HACL2: variants seen among roughly 807,000 people sequenced by gnomAD.
The protein encoded by HACL2 is 2-hydroxyacyl-CoA lyase 2.
the HACL2 span, among the ~76,000 whole-genome samples, chr19:15,118,170 C>T: frequency 6.6e-6 from 1 of 152,164 alleles, no homozygotes; most frequent in Non-Finnish European, 1.5e-5. Flanking sequence ...CCCCACACCC[C>T]CTGAATCGGG....
the HACL2 span, chr19:15,116,336 C>T: frequency 5.0e-6 from 8 of 1,613,946 alleles, no homozygotes; most frequent in African/African-American, 1.3e-5. Flanking sequence ...GACAGGACAG[C>T]GAAGGTCACC....
the HACL2 span, chr19:15,116,014 C>T: frequency 3.2e-4 from 511 of 1,614,060 alleles, 1 homozygote; most frequent in African/African-American, 5.9e-3. Flanking sequence ...AGCATCTGGC[C>T]GGCACAGCTT....
chr19:15,122,195 G>GT, the HACL2 span, among the ~76,000 whole-genome samples: 1 of 151,970 alleles, frequency 6.6e-6, no homozygotes, highest in Non-Finnish European at 1.5e-5. This position sits in a 1 kb window ranked among gnomAD's most constrained non-coding sequence, Gnocchi z 4.0. Context: ...GAGAGCCACC[G>GT]CACCCGGCCT....
the HACL2 span, chr19:15,115,463 G>A: frequency 6.2e-7 from 1 of 1,608,964 alleles, no homozygotes. Context: ...ATAGTGGCAA[G>A]GACTCAGCCC....
the HACL2 span, chr19:15,116,425 C>T: frequency 6.2e-7 from 1 of 1,614,044 alleles, no homozygotes; most frequent in African/African-American, 1.3e-5. Context: ...TCTGCTCCTT[C>T]TGCCGGTCGG....
At chr19:15,115,846 T>C in the HACL2 span, 1 of 1,613,652 alleles carries the variant, frequency 6.2e-7, no homozygotes. Context: ...GCCAGCCCAG[T>C]CACCTTGTGT....
At chr19:15,116,551 G>C in the HACL2 span, 5 of 1,570,150 alleles carry the variant, frequency 3.2e-6, no homozygotes, top group Non-Finnish European at 4.4e-6. Flanking sequence ...ACAGCTGTGG[G>C]GAGCTGGCTT....
chr19:15,116,159 G>A, the HACL2 span: 796,327 of 1,613,066 alleles, frequency 0.49, 199,427 homozygotes, highest in Non-Finnish European at 0.52. Context: ...TACCAGGATC[G>A]AGCCAGCGCA....
the HACL2 span, among the ~76,000 whole-genome samples, chr19:15,120,661 A>AG: frequency 6.6e-6 from 1 of 152,152 alleles, no homozygotes; most frequent in Non-Finnish European, 1.5e-5. Flanking sequence ...CCCTCCCCTC[A>AG]GGGGGCGCTC....
chr19:15,118,178 G>A, the HACL2 span, among the ~76,000 whole-genome samples: 1 of 152,082 alleles, frequency 6.6e-6, no homozygotes, highest in African/African-American at 2.4e-5. Flanking sequence ...CCCCTGAATC[G>A]GGACTGGCCT....
At chr19:15,116,460 C>T in the HACL2 span, 2 of 1,613,974 alleles carry the variant, frequency 1.2e-6, no homozygotes, top group South Asian at 1.1e-5. Context: ...TCCACCCAGT[C>T]TGGGGCCCAG....
chr19:15,115,501 G>C, the HACL2 span: 2 of 1,599,710 alleles, frequency 1.3e-6, no homozygotes, highest in Admixed American at 1.7e-5. Flanking sequence ...CCCAGGAGAG[G>C]AACACAAGCC....
chr19:15,117,626 C>T, the HACL2 span: 1 of 370,986 alleles, frequency 2.7e-6, no homozygotes, highest in Non-Finnish European at 5.0e-6. Context: ...GTGCAGTGAG[C>T]TGTGATTGCA....
At chr19:15,115,082 G>A in the HACL2 span, 2 of 744,966 alleles carry the variant, frequency 2.7e-6, no homozygotes, top group Non-Finnish European at 4.6e-6. Context: ...GGGTCCAAGA[G>A]CTCACAAGAG....
chr19:15,125,357 CCA>C, the HACL2 span: 3 of 441,058 alleles, frequency 6.8e-6, no homozygotes, highest in Admixed American at 4.2e-5. Flanking sequence ...GACGACAGCA[CCA>C]CACAGTTATC....
the HACL2 span, chr19:15,116,556 T>C: frequency 1.9e-6 from 3 of 1,556,644 alleles, no homozygotes; most frequent in African/African-American, 4.1e-5. Flanking sequence ...TGTGGGGAGC[T>C]GGCTTCCTCC....
the HACL2 span, chr19:15,123,245 T>C: frequency 2.4e-5 from 38 of 1,613,524 alleles, no homozygotes; most frequent in Admixed American, 6.0e-4. This position sits in a 1 kb window ranked among gnomAD's most constrained non-coding sequence, Gnocchi z 5.1. Flanking sequence ...CCACCGTCCC[T>C]GGAACACAGA....
the HACL2 span, chr19:15,117,310 G>C: frequency 6.5e-6 from 1 of 154,308 alleles, no homozygotes; most frequent in African/African-American, 2.4e-5. Context: ...GGGCAGTGTG[G>C]GAGGGAACGT....
At chr19:15,121,824 AAAAG>A in the HACL2 span, among the ~76,000 whole-genome samples, 3 of 148,222 alleles carry the variant, frequency 2.0e-5, no homozygotes, top group South Asian at 2.1e-4. Flanking sequence ...AAAAAAAAAA[AAAAG>A]AAAGAAAAGG....
Sources: allele counts gnomAD v4.1 joint callset (sites outside exome capture counted in the v4.1 genomes callset), GRCh38; gene constraint gnomAD v4.1.1; non-coding constraint Gnocchi (gnomAD v3.1); transcripts MANE v1.5; gene names NCBI Gene and HGNC (gene_info 2026-07-23, HGNC 2026-07-21).